CMYA5: variants seen among roughly 807,000 people sequenced by gnomAD.
CMYA5 encodes the protein cardiomyopathy-associated protein 5.
A neutral mutation model predicts 318.9 loss-of-function variants in CMYA5; 246 were observed. That is an observed-to-expected ratio of 0.77 (90% CI 0.70 to 0.86). The LOEUF is 0.86. Ranked by LOEUF, CMYA5 falls within the 40% of genes least tolerant of loss-of-function variation. The pLI is 0.00. For synonymous variants in CMYA5, 1,641 were observed against 1,729.5 expected, an observed-to-expected ratio of 0.95 and a Z score of 1.27; for missense variants, 4,589 against 4,678.2, an observed-to-expected ratio of 0.98 and a Z score of 0.56.
chr5:79,771,277 T>C lies in CMYA5; in HGVS notation c.11555+8068T>C, dbSNP rs1828850789. ...CAAAGTCTAAGTTGTTAACCCTTGC[T>C]TTACGTCACTTAGGGGAGTCCTGGA... is the stretch of plus-strand genomic sequence containing the variant. On this transcript the variant is annotated intron_variant, in intron 9 of 12. Coordinates refer to ENST00000446378, the MANE Select transcript of CMYA5 (RefSeq NM_153610.5). Among the ~76,000 whole-genome samples, 3 of 152,188 alleles carry C rather than the reference T, an allele frequency of 2.0e-5. No individual in the cohort carries two copies. The South Asian group carries it at 6.2e-4, about 32-fold the overall frequency.
intron 1 of CMYA5, among the ~76,000 whole-genome samples, chr5:79,690,662 C>T (rs995132394): frequency 1.3e-5 from 2 of 152,136 alleles, no homozygotes; most frequent in Non-Finnish European, 2.9e-5. Flanking sequence ...TCCCACCCTT[C>T]GATCTCCCAC....
intron 1 of CMYA5, among the ~76,000 whole-genome samples, chr5:79,722,314 G>A (rs1026361991): frequency 2.0e-5 from 3 of 152,096 alleles, no homozygotes; most frequent in African/African-American, 7.2e-5. Context: ...CTAAATTTGT[G>A]CTTAAAGAGA....
rs7343 is a variant in CMYA5, at chr5:79,799,898, G to A, written c.*282G>A. The A allele has an allele frequency of 0.12, 27,544 of 229,400 alleles. 1,904 individuals are homozygous for A. The highest frequency in any genetic ancestry group is 0.16 in the Middle Eastern group (100 of 640). The allele number at this position is 229,400 out of a possible 1,614,324, so 14.2% of individuals were successfully genotyped here. On this transcript the variant is annotated 3_prime_UTR_variant, in exon 13 of 13. Transcript: ENST00000446378. ...AAGATCTACACTTGAGTTGGGAACC[G>A]AAAGAGAAAAATGGACTTCCATCTG...
chr5:79,733,548 G>T lies in CMYA5; in HGVS notation c.4783G>T (p.Ala1595Ser), dbSNP rs1286616800. Reference protein sequence around the residue: ...LLLSDDKNKPAVEVSSTAQGD... With the variant: ...LLLSDDKNKPSVEVSSTAQGD... Reference sequence around the variant, plus strand: ...CCTCAGTGATGATAAGAACAAACCGGCAGTGGAGGTATCTTCTACAGCTCA... The same window carrying T: ...CCTCAGTGATGATAAGAACAAACCGTCAGTGGAGGTATCTTCTACAGCTCA... The change falls in exon 2 of 13, where the codon GCA becomes TCA. Residue 1595 changes from alanine to serine, a missense_variant. Ala to Ser is a moderately conservative substitution (Grantham distance 99). Around this residue, in one of 3 missense-constraint regions of CMYA5, gnomAD observed 2,132 missense variants for 2,131.3 expected, o/e 1.00. Coordinates refer to ENST00000446378, the MANE Select transcript of CMYA5 (RefSeq NM_153610.5). 2.5e-6 allele frequency: 4 copies of T among 1,613,768 alleles called. No homozygotes were observed. Among genetic ancestry groups the T allele is most frequent in the Non-Finnish European group, 3.4e-6 (4 of 1,179,818 alleles).
In CMYA5 at chr5:79,735,522, T is replaced by C. The variant is rs753482632; in HGVS notation, c.6757T>C (p.Leu2253=). The C allele has an allele frequency of 1.9e-6, 3 of 1,613,134 alleles. No homozygotes were observed. Residue 2253 remains leucine, a synonymous_variant, in exon 2 of 13, where the codon TTA becomes CTA. Transcript: ENST00000446378. ...AACTGCTGATGAACCCAGAGGTACT[T>C]TAGTAAAATCTGGTGACGGTCAAAA... The part of the protein sequence containing the change: ...LKTADEPRGT[L]VKSGDGQNVK...
rs559353312 is a variant in CMYA5 at position 79,789,464 on chromosome 5, G to A, written c.11689+360G>A. On this transcript the variant is annotated intron_variant, in intron 10 of 12. Transcript: ENST00000446378. ...TTTTGAGACAGAGTCTCACTCTGTC[G>A]CCTAGGCTAGAGTGAAGTGGCATGA... Among the ~76,000 whole-genome samples, 8 of 151,056 alleles carry A rather than the reference G, an allele frequency of 5.3e-5. No homozygotes were observed. In the East Asian group the frequency reaches 7.8e-4, roughly 15 times the overall value.
intron 1 of CMYA5, among the ~76,000 whole-genome samples, chr5:79,709,093 A>C (rs185762180): frequency 3.8e-4 from 58 of 152,366 alleles, no homozygotes; most frequent in African/African-American, 1.3e-3. Context: ...TTCTACAAAC[A>C]GGTATCAAGG....
chr5:79,758,803 A>G lies in CMYA5; in HGVS notation c.11161A>G (p.Thr3721Ala). ...TCAGGAACCAAATTCTGCCACCAGC[A>G]CAACAATTGCAGTTTACTGGAGCAT... ...EPQEPNSATS[T>A]TIAVYWSMNK... The change falls in exon 7 of 13, where the codon ACA becomes GCA. Residue 3721 changes from threonine (T) to alanine (A), a missense_variant. Thr to Ala is a moderately conservative substitution (Grantham distance 58). Around this residue, in one of 3 missense-constraint regions of CMYA5, gnomAD observed 2,431 missense variants for 2,495.1 expected, o/e 0.97. Coordinates refer to ENST00000446378, the MANE Select transcript of CMYA5 (RefSeq NM_153610.5). The G allele has an allele frequency of 3.7e-6, 6 of 1,600,588 alleles. No homozygotes were observed. Among genetic ancestry groups the G allele is most frequent in the Non-Finnish European group, 5.1e-6 (6 of 1,173,582 alleles).
rs373669283 is a variant in CMYA5, at chr5:79,778,880, T to C, written c.11556-10091T>C. Among the ~76,000 whole-genome samples the C allele has an allele frequency of 3.2e-3, 398 of 125,636 alleles. 1 individual carries two copies. Among genetic ancestry groups the C allele is most frequent in the African/African-American group, 0.013 (370 of 28,600 alleles). 82.4% of individuals were successfully genotyped at this position (125,636 alleles called of 152,430 possible). The stretch of plus-strand genomic sequence containing the variant: ...TTTTTTGTAGTAGCCAATACAGTAA[T>C]TTCATTTTTATTTATTTTTATTTTT... On this transcript the variant is annotated intron_variant, in intron 9 of 12. Transcript: ENST00000446378.
At chr5:79,728,312 G>A (rs1256789446) in intron 1 of CMYA5, among the ~76,000 whole-genome samples, 2 of 146,346 alleles carry the variant, frequency 1.4e-5, no homozygotes, top group Non-Finnish European at 2.9e-5. Flanking sequence ...TAAGGATTTT[G>A]AACATCTTTT....
At position 79,793,611 on chromosome 5, in the gene CMYA5, G is replaced by A. The variant is rs1378886137; in HGVS notation, c.11963+1G>A. ...ACATGCACTGCTCTGAGCCACAGAGGTAAGCGAGCCCTTCCCCTCCCCTCT... is the reference window on the plus strand; with the variant it reads ...ACATGCACTGCTCTGAGCCACAGAGATAAGCGAGCCCTTCCCCTCCCCTCT... On this transcript the variant is annotated splice_donor_variant, in intron 12 of 12. Coordinates refer to ENST00000446378, the MANE Select transcript of CMYA5 (RefSeq NM_153610.5). LOFTEE classifies it high-confidence loss of function. 5 of 1,589,668 alleles carry A rather than the reference G, an allele frequency of 3.1e-6. No individual in the cohort carries two copies. The highest frequency in any genetic ancestry group is 2.2e-5 in the South Asian group (2 of 89,728).
At chr5:79,690,289 G>A (rs1379630808) in intron 1 of CMYA5, among the ~76,000 whole-genome samples, 1 of 152,158 alleles carries the variant, frequency 6.6e-6, no homozygotes, top group African/African-American at 2.4e-5. Context: ...CTTGTGACTC[G>A]CTGCTCTTGT....
chr5:79,709,985 A>AAAAG lies in CMYA5; in HGVS notation c.150-18918_150-18915dup, dbSNP rs1235518844. Among the ~76,000 whole-genome samples, 32 of 148,246 alleles carry AAAAG rather than the reference A, an allele frequency of 2.2e-4. 1 individual carries two copies. Among genetic ancestry groups the AAAAG allele is most frequent in the African/African-American group, 6.4e-4 (26 of 40,476 alleles). ...CAAAAAAAAAAAAAAAAAAAAAAAAAAAAGAAAGAAAGAAAAAGAAAATAT... is the reference window on the plus strand; with the variant it reads ...CAAAAAAAAAAAAAAAAAAAAAAAAAAAAGAAAGAAAGAAAGAAAAAGAAAATAT... On this transcript the variant is annotated intron_variant, in intron 1 of 12. Coordinates refer to ENST00000446378, the MANE Select transcript of CMYA5 (RefSeq NM_153610.5).
In CMYA5 at chr5:79,731,423, G is replaced by A; in HGVS notation, c.2658G>A (p.Glu886=). Residue 886 remains glutamate, a synonymous_variant, in exon 2 of 13, where the codon GAG becomes GAA. Transcript: ENST00000446378. Reference sequence around the variant, plus strand: ...AATATGTTGTTCTATCAGACGAAGAGGCAGTCGAGTTGGAACGATACACAC... The same window carrying A: ...AATATGTTGTTCTATCAGACGAAGAAGCAGTCGAGTTGGAACGATACACAC... ...PSEYVVLSDE[E]AVELERYTPS... is the part of the protein sequence containing the mutation. The A allele has an allele frequency of 6.2e-7, 1 of 1,613,554 alleles. No homozygotes were observed. The highest frequency in any genetic ancestry group is 2.2e-5 in the East Asian group (1 of 44,866).
intron 1 of CMYA5, among the ~76,000 whole-genome samples, chr5:79,724,249 G>C (rs554288849): frequency 2.6e-5 from 4 of 151,990 alleles, no homozygotes; most frequent in African/African-American, 9.7e-5. Context: ...GCTTGAACCC[G>C]GGAGGCGGAG....
In CMYA5 at chr5:79,722,084, T is replaced by C. The variant is rs184849663; in HGVS notation, c.150-6831T>C. 5.9e-3 allele frequency among the ~76,000 whole-genome samples: 893 copies of C among 152,328 alleles called. 9 individuals carry two copies. Among genetic ancestry groups the C allele is most frequent in the African/African-American group, 0.02 (829 of 41,584 alleles). ...CATATAGCCATGAAGTTTCAACAAA[T>C]TTTGAAGTATAACTTCATACAAAAT... On this transcript the variant is annotated intron_variant, in intron 1 of 12. Transcript: ENST00000446378.
chr5:79,735,258 G>T lies in CMYA5; in HGVS notation c.6493G>T (p.Asp2165Tyr), dbSNP rs768992517. The change falls in exon 2 of 13, where the codon GAC (aspartate) becomes TAC (tyrosine). Residue 2165 changes from aspartate to tyrosine, a missense_variant. Asp to Tyr is a radical substitution (Grantham distance 160). This residue lies in a region of CMYA5 where 2,431 missense variants were observed against 2,495.1 expected (regional missense o/e 0.97). Coordinates refer to ENST00000446378, the MANE Select transcript of CMYA5 (RefSeq NM_153610.5). Reference protein sequence around the residue: ...PPTQPKVAKPDLPEEKGKKGI... With the variant: ...PPTQPKVAKPYLPEEKGKKGI... ...TACACAACCAAAGGTGGCTAAGCCG[G>T]ACCTTCCTGAGGAAAAGGGAAAGAA... The T allele has an allele frequency of 1.2e-6, 2 of 1,613,686 alleles. No individual in the cohort carries two copies. The highest frequency in any genetic ancestry group is 1.7e-6 in the Non-Finnish European group (2 of 1,179,820).
intron 1 of CMYA5, among the ~76,000 whole-genome samples, chr5:79,701,899 G>A (rs772946433): frequency 6.6e-6 from 1 of 151,578 alleles, no homozygotes; most frequent in African/African-American, 2.4e-5. Context: ...AGGCCGAGGC[G>A]GGTGGATCAT....
At chr5:79,696,783 G>A (rs12514427) in intron 1 of CMYA5, among the ~76,000 whole-genome samples, 98,131 of 151,960 alleles carry the variant, frequency 0.65, 33,886 homozygotes, top group African/African-American at 0.9. Context: ...AGACGGGCAG[G>A]TCACCTGAGG....
Sources: allele counts gnomAD v4.1 joint callset (sites outside exome capture counted in the v4.1 genomes callset), GRCh38; gene constraint gnomAD v4.1.1; regional missense constraint gnomAD v4.1.1; transcripts MANE v1.5; gene names NCBI Gene and HGNC (gene_info 2026-07-23, HGNC 2026-07-21).